Variants in MMP26 observed in about 807,000 individuals in gnomAD.
MMP26 encodes the protein matrix metalloproteinase-26.
In MMP26, 33 loss-of-function variants were observed where a neutral mutation model predicts 31.0. The observed-to-expected ratio is 1.06, with a 90% CI of 0.81 to 1.42. The LOEUF (loss-of-function observed/expected upper bound fraction) is 1.42, where lower values mean the gene tolerates loss of function less well. Among genes scored for constraint, MMP26 ranks in the 40% most tolerant of loss-of-function variants. MMP26 has a pLI of 0.00. For missense variants in MMP26, 347 were observed against 316.1 expected (o/e 1.10, Z -0.74); for synonymous variants, 122 against 114.9 (o/e 1.06, Z -0.40).
chr11:4,706,596 A>AG (rs1358213965), intron 1 of MMP26, among the ~76,000 whole-genome samples: 1 of 124,328 alleles, frequency 8.0e-6, no homozygotes, highest in East Asian at 3.3e-4. Flanking sequence ...AAAAAAAAAA[A>AG]AAAGACAGAA....
In MMP26 at chr11:4,907,849, C is replaced by G. The variant is rs556415088; in HGVS notation, c.-144-80219C>G. 3.1e-6 allele frequency: 5 copies of G among 1,613,846 alleles called. No homozygotes were observed. The South Asian group carries it at 5.5e-5, about 18-fold the overall frequency. ...GCATTCTCTTAGTGATTCCATTTCCCTTCACCTTAAGGAGATTAAAATATT... is the reference window on the plus strand; with the variant it reads ...GCATTCTCTTAGTGATTCCATTTCCGTTCACCTTAAGGAGATTAAAATATT... On this transcript the variant is annotated intron_variant, in intron 2 of 7. Coordinates refer to ENST00000380390, the MANE Select transcript of MMP26 (RefSeq NM_021801.5).
At chr11:4,927,317 T>C (rs1402210105) in intron 2 of MMP26, among the ~76,000 whole-genome samples, 1 of 152,202 alleles carries the variant, frequency 6.6e-6, no homozygotes, top group Non-Finnish European at 1.5e-5. Flanking sequence ...CCACTCTGAT[T>C]GTCATGATAC....
chr11:4,875,837 G>C (rs1266565752), intron 2 of MMP26: 1 of 152,122 alleles, frequency 6.6e-6, no homozygotes, highest in Non-Finnish European at 1.5e-5. Flanking sequence ...TCCTACCACA[G>C]TAGGTCTTTT....
intron 2 of MMP26, chr11:4,947,118 C>G (rs1846324694): frequency 1.6e-6 from 2 of 1,251,666 alleles, no homozygotes; most frequent in East Asian, 2.5e-5. Flanking sequence ...TCATAGGGCT[C>G]TGCTATGAAA....
chr11:4,801,756 G>A (rs1297762569), intron 2 of MMP26, among the ~76,000 whole-genome samples: 1 of 151,982 alleles, frequency 6.6e-6, no homozygotes, highest in Non-Finnish European at 1.5e-5. Context: ...TGTCTAGGAT[G>A]GTCTTGATCT....
intron 2 of MMP26, chr11:4,882,179 A>T (rs1409776958): frequency 6.2e-7 from 1 of 1,613,772 alleles, no homozygotes; most frequent in East Asian, 2.2e-5. Context: ...TGCCCGGGAG[A>T]TCAGCTTTAA....
chr11:4,933,491 A>ATT (rs767301279), intron 2 of MMP26, among the ~76,000 whole-genome samples: 1 of 138,762 alleles, frequency 7.2e-6, no homozygotes, highest in South Asian at 2.3e-4. Context: ...AGAAAGATTG[A>ATT]TTTTTTTTTT....
intron 2 of MMP26, among the ~76,000 whole-genome samples, chr11:4,814,784 A>G: frequency 6.6e-6 from 1 of 152,196 alleles, no homozygotes; most frequent in South Asian, 2.1e-4. Flanking sequence ...ATGTTCTCTA[A>G]ACATTAATAA....
At chr11:4,763,771 T>C (rs1848595901) in intron 1 of MMP26, among the ~76,000 whole-genome samples, 1 of 152,216 alleles carries the variant, frequency 6.6e-6, no homozygotes, top group African/African-American at 2.4e-5. Flanking sequence ...CAAGCTGCTG[T>C]AGATTTTTTG....
At chr11:4,864,075 G>A (rs1279378597) in intron 2 of MMP26, among the ~76,000 whole-genome samples, 1 of 152,108 alleles carries the variant, frequency 6.6e-6, no homozygotes, top group Non-Finnish European at 1.5e-5. Flanking sequence ...AGTGATGACA[G>A]TGTTGCAATT....
rs546414368 is a variant in MMP26, at chr11:4,844,825, C to T, written c.-145+77484C>T. Among the ~76,000 whole-genome samples, 16 of 152,174 alleles carry T rather than the reference C, an allele frequency of 1.1e-4. No homozygotes were observed. In the South Asian group the frequency reaches 2.5e-3, roughly 24 times the overall value. On this transcript the variant is annotated intron_variant, in intron 2 of 7. Coordinates refer to ENST00000380390, the MANE Select transcript of MMP26 (RefSeq NM_021801.5). The stretch of plus-strand genomic sequence containing the variant: ...ATCACACTGAGGAAAAACTGAAAGC[C>T]TTTACTCTAAGATCTAAAACACTAG...
intron 2 of MMP26, chr11:4,821,391 T>G: frequency 6.2e-7 from 1 of 1,612,418 alleles, no homozygotes; most frequent in Non-Finnish European, 8.5e-7. Flanking sequence ...GTTAAATGAC[T>G]GAAACATCCC....
In MMP26 at chr11:4,735,543, T is replaced by G. The variant is rs555016013; in HGVS notation, c.-217+30498T>G. 5.3e-4 allele frequency among the ~76,000 whole-genome samples: 81 copies of G among 152,332 alleles called. 1 individual carries two copies. In the South Asian group the frequency reaches 0.017, roughly 32 times the overall value. Reference sequence around the variant, plus strand: ...GATTTAACATTTGTCTTATATATTCTTATTACTCCTGTTGCCAGTATCTAT... The same window carrying G: ...GATTTAACATTTGTCTTATATATTCGTATTACTCCTGTTGCCAGTATCTAT... On this transcript the variant is annotated intron_variant, in intron 1 of 7. Coordinates refer to ENST00000380390, the MANE Select transcript of MMP26 (RefSeq NM_021801.5).
At chr11:4,750,720 G>T (rs930055108) in intron 1 of MMP26, among the ~76,000 whole-genome samples, 5 of 152,006 alleles carry the variant, frequency 3.3e-5, no homozygotes, top group African/African-American at 1.2e-4. Flanking sequence ...GATAAATAAT[G>T]TGCACATATG....
At chr11:4,723,897 C>G in intron 1 of MMP26, 1 of 1,095,934 alleles carries the variant, frequency 9.1e-7, no homozygotes, top group Non-Finnish European at 1.4e-6. Flanking sequence ...TGATCTGCTC[C>G]TTCTCCTGGG....
At chr11:4,783,259 C>G (rs1012966987) in intron 2 of MMP26, among the ~76,000 whole-genome samples, 3 of 152,214 alleles carry the variant, frequency 2.0e-5, no homozygotes. Context: ...ATCATGGGAA[C>G]CCACCTCTTG....
intron 2 of MMP26, among the ~76,000 whole-genome samples, chr11:4,939,282 A>T (rs1410579334): frequency 6.6e-6 from 1 of 152,100 alleles, no homozygotes; most frequent in African/African-American, 2.4e-5. Flanking sequence ...TCATTTACCA[A>T]AGTTAAAGAT....
At chr11:4,782,181 G>A (rs1381069743) in intron 2 of MMP26, among the ~76,000 whole-genome samples, 1 of 152,216 alleles carries the variant, frequency 6.6e-6, no homozygotes, top group East Asian at 1.9e-4. Flanking sequence ...CTCAGAAGAA[G>A]ACAGGAAAAT....
Position 4,988,194 on chromosome 11 carries a change from G to C in MMP26, c.-18G>C. 1 of 1,612,476 alleles carries C rather than the reference G, an allele frequency of 6.2e-7. No individual in the cohort carries two copies. The highest frequency in any genetic ancestry group is 8.5e-7 in the Non-Finnish European group (1 of 1,178,576). ...TTGTGTACCTGAATTCAAGCAGTGG[G>C]ACAAATGAGGGTTTGGCATGCAGCT... is the stretch of plus-strand genomic sequence containing the variant. On this transcript the variant is annotated 5_prime_UTR_variant, in exon 3 of 8. Transcript: ENST00000380390.
Sources: gnomAD v4.1 joint callset for allele counts (sites outside exome capture counted in the v4.1 genomes callset) on GRCh38, gnomAD v4.1.1 for gene constraint, MANE v1.5 for transcripts, NCBI Gene and HGNC (gene_info 2026-07-23, HGNC 2026-07-21) for gene names.